DMD: variants seen among roughly 807,000 people sequenced by gnomAD.
DMD encodes mutant dystrophin.
A neutral mutation model predicts 330.1 loss-of-function variants in DMD; 63 were observed. The ratio of observed to expected loss-of-function variants is 0.19; its 90% CI spans 0.16 to 0.24. The LOEUF (loss-of-function observed/expected upper bound fraction) is 0.24, where lower values mean the gene tolerates loss of function less well. DMD is among the 10% of genes least tolerant of loss of function. DMD has a pLI of 1.00. For synonymous variants in DMD, 1,223 were observed against 959.8 expected (o/e 1.27, Z -5.07); for missense variants, 3,344 against 2,684.1 (o/e 1.25, Z -5.43).
At chrX:31,331,828 C>T (rs1162318341) in intron 61 of DMD, among the ~76,000 whole-genome samples, 1 of 111,669 alleles carries the variant, frequency 9.0e-6, no homozygotes, top group Non-Finnish European at 1.9e-5. Context: ...GTATTAGGCA[C>T]CAGGGAAATT....
At chrX:31,866,275 A>G (rs2093797703) in intron 48 of DMD, among the ~76,000 whole-genome samples, 2 of 111,495 alleles carry the variant, frequency 1.8e-5, no homozygotes, top group African/African-American at 6.5e-5. Context: ...TGGTCTCTAA[A>G]GCGTTATGCT....
At chrX:31,661,939 G>A in intron 53 of DMD, among the ~76,000 whole-genome samples, 1 of 111,653 alleles carries the variant, frequency 9.0e-6, no homozygotes, top group African/African-American at 3.3e-5. Context: ...CAAGAATTTT[G>A]AGTATTTTTT....
intron 1 of DMD, among the ~76,000 whole-genome samples, chrX:33,307,719 T>A (rs2053785374): frequency 9.1e-6 from 1 of 109,897 alleles, no homozygotes; most frequent in Non-Finnish European, 1.9e-5. Flanking sequence ...GAAATAAAGA[T>A]CAGAAAGGCC....
intron 11 of DMD, among the ~76,000 whole-genome samples, chrX:32,637,848 C>G (rs1485590033): frequency 8.9e-6 from 1 of 111,932 alleles, no homozygotes; most frequent in Non-Finnish European, 1.9e-5. Context: ...CCTCCCACAA[C>G]ACATGGGGAT....
chrX:32,036,715 C>T (rs181969285), intron 44 of DMD, among the ~76,000 whole-genome samples: 3 of 111,400 alleles, frequency 2.7e-5, no homozygotes, highest in South Asian at 7.5e-4. Flanking sequence ...ATGGTAATTG[C>T]GTTCAAAGAC....
At chrX:32,487,316 T>A (rs1343286304) in intron 20 of DMD, among the ~76,000 whole-genome samples, 1 of 111,830 alleles carries the variant, frequency 8.9e-6, no homozygotes, top group Non-Finnish European at 1.9e-5. Context: ...AGTGTTATTA[T>A]CATGGCTGCT....
chrX:31,684,263 G>A (rs1210146088), intron 52 of DMD, among the ~76,000 whole-genome samples: 1 of 111,957 alleles, frequency 8.9e-6, no homozygotes. Flanking sequence ...AGGGGAGTTT[G>A]GTGTCAAGAG....
At chrX:31,761,731 T>C (rs1025763082) in intron 51 of DMD, among the ~76,000 whole-genome samples, 2 of 112,444 alleles carry the variant, frequency 1.8e-5, no homozygotes, top group African/African-American at 3.2e-5. Context: ...GGCAGAAAGA[T>C]AGACATGAAT....
intron 62 of DMD, chrX:31,267,053 A>G: frequency 2.7e-6 from 1 of 372,272 alleles, no homozygotes; most frequent in East Asian, 4.8e-5. Flanking sequence ...GGGAACCCGG[A>G]CACCCAGAGA....
intron 45 of DMD, among the ~76,000 whole-genome samples, chrX:31,961,740 G>GTTT (rs59279553): frequency 7.9e-5 from 6 of 75,604 alleles, no homozygotes; most frequent in African/African-American, 2.1e-4. Flanking sequence ...AAAGGAAGCG[G>GTTT]TTTTTTTTTT....
chrX:31,482,229 GT>G (rs2068345306), intron 57 of DMD, among the ~76,000 whole-genome samples: 9 of 95,236 alleles, frequency 9.5e-5, no homozygotes, highest in African/African-American at 4.5e-4. Context: ...GTGTGTGTGT[GT>G]GTGTGTGGGG....
intron 74 of DMD, among the ~76,000 whole-genome samples, chrX:31,159,765 C>T (rs1342053405): frequency 8.9e-6 from 1 of 112,050 alleles, no homozygotes; most frequent in Non-Finnish European, 1.9e-5. Flanking sequence ...GCTCTAGAAG[C>T]TGAAACTTGC....
intron 1 of DMD, among the ~76,000 whole-genome samples, chrX:33,272,659 A>T (rs1158202876): frequency 1.1e-5 from 1 of 88,854 alleles, no homozygotes; most frequent in Non-Finnish European, 2.0e-5. Flanking sequence ...TAATGACATC[A>T]AAATGAAAAA....
At chrX:32,142,068 G>T (rs1434465051) in intron 44 of DMD, among the ~76,000 whole-genome samples, 1 of 111,227 alleles carries the variant, frequency 9.0e-6, no homozygotes, top group Non-Finnish European at 1.9e-5. Flanking sequence ...AACAAGGCAG[G>T]AAACAGAAAC....
At chrX:32,939,272 G>A (rs1602074434) in intron 2 of DMD, among the ~76,000 whole-genome samples, 1 of 106,631 alleles carries the variant, frequency 9.4e-6, no homozygotes, top group African/African-American at 3.4e-5. Flanking sequence ...GTATATACGT[G>A]TATATATATA....
In DMD at chrX:32,697,859, T is replaced by C. The variant is rs1057522246; in HGVS notation, c.960+11A>G. ...TCTGGTTTGTACAACAGAGAGTAAA[T>C]GTTGACAGACCTGTGAAGGAAATGG... On this transcript the variant is annotated intron_variant, in intron 9 of 78. Transcript: ENST00000357033. 1.7e-6 allele frequency: 2 copies of C among 1,210,206 alleles called. No homozygotes were observed. Among genetic ancestry groups the C allele is most frequent in the Non-Finnish European group, 1.1e-6 (1 of 894,809 alleles).
chrX:31,554,592 A>ATAAAATATAT (rs1363416685), intron 55 of DMD, among the ~76,000 whole-genome samples: 1 of 111,972 alleles, frequency 8.9e-6, no homozygotes, highest in African/African-American at 3.2e-5. Context: ...AAGGTCATAC[A>ATAAAATATAT]TAAAATATAT....
intron 77 of DMD, among the ~76,000 whole-genome samples, chrX:31,128,858 GAT>G (rs2034098809): frequency 8.9e-6 from 1 of 112,051 alleles, no homozygotes; most frequent in Admixed American, 9.5e-5. Context: ...AAAAACAAAT[GAT>G]ATTTTCTACT....
At chrX:32,711,120 T>C (rs2065148387) in intron 7 of DMD, among the ~76,000 whole-genome samples, 1 of 111,916 alleles carries the variant, frequency 8.9e-6, no homozygotes, top group Admixed American at 9.6e-5. Context: ...TTACTGAATG[T>C]TCCTTTTGTC....
Sources: gnomAD v4.1 joint callset for allele counts (sites outside exome capture counted in the v4.1 genomes callset) on GRCh38, gnomAD v4.1.1 for gene constraint, MANE v1.5 for transcripts, NCBI Gene and HGNC (gene_info 2026-07-23, HGNC 2026-07-21) for gene names.